MED12L: variants seen among roughly 807,000 people sequenced by gnomAD.
MED12L encodes mediator complex subunit 12L.
In MED12L, 60 loss-of-function variants were observed where a neutral mutation model predicts 281.3. The observed-to-expected ratio is 0.21, with a 90% CI of 0.17 to 0.26. The LOEUF (loss-of-function observed/expected upper bound fraction) is 0.26, where lower values mean the gene tolerates loss of function less well. Ranked by LOEUF, MED12L falls within the 10% of genes least tolerant of loss-of-function variation. The pLI is 1.00. For synonymous variants in MED12L, 974 were observed against 987.2 expected, an observed-to-expected ratio of 0.99 and a Z score of 0.25; for missense variants, 2,146 against 2,680.9, an observed-to-expected ratio of 0.80 and a Z score of 4.41.
chr3:151,133,603 G>GAA (rs59629188), intron 5 of MED12L, among the ~76,000 whole-genome samples: 3 of 140,228 alleles, frequency 2.1e-5, no homozygotes, highest in African/African-American at 7.8e-5. Flanking sequence ...TGTGAGACCT[G>GAA]AAAAAAAAAA....
intron 16 of MED12L, chr3:151,269,621 A>G (rs1261294481): frequency 2.2e-5 from 8 of 362,658 alleles, no homozygotes; most frequent in South Asian, 1.5e-4. Context: ...GAGGAAGACA[A>G]AGAGGCACTG....
At chr3:151,382,799 T>C in intron 33 of MED12L, 54 bp downstream of exon 33, 2 of 1,401,406 alleles carry the variant, frequency 1.4e-6, no homozygotes, top group East Asian at 2.4e-5. Flanking sequence ...CATGTGAAAA[T>C]ACCTCCAGCT....
chr3:151,136,032 G>A (rs1716090799), intron 5 of MED12L, among the ~76,000 whole-genome samples: 1 of 152,180 alleles, frequency 6.6e-6, no homozygotes, highest in Non-Finnish European at 1.5e-5. Context: ...GCACTGCTCT[G>A]TTTACCCCTA....
chr3:151,173,088 T>A (rs1026920268), intron 11 of MED12L, among the ~76,000 whole-genome samples: 3 of 151,922 alleles, frequency 2.0e-5, no homozygotes, highest in East Asian at 1.9e-4. Context: ...TTTTTTTTTT[T>A]AACTTTTTTG....
At chr3:151,202,441 C>T (rs1402721388) in intron 16 of MED12L, among the ~76,000 whole-genome samples, 4 of 152,126 alleles carry the variant, frequency 2.6e-5, no homozygotes, top group Non-Finnish European at 5.9e-5. Context: ...GAGGCTGAGG[C>T]GGGTGGATCA....
intron 16 of MED12L, among the ~76,000 whole-genome samples, chr3:151,330,178 T>C (rs1750190933): frequency 3.3e-5 from 5 of 152,214 alleles, no homozygotes; most frequent in Admixed American, 3.3e-4. Context: ...CACACTGTGT[T>C]ATTAAGAATG....
At chr3:151,344,608 A>G (rs1017647731) in intron 16 of MED12L, among the ~76,000 whole-genome samples, 1 of 152,118 alleles carries the variant, frequency 6.6e-6, no homozygotes, top group Admixed American at 6.6e-5. Flanking sequence ...TTACTTCCGG[A>G]TATATACTGG....
At chr3:151,413,942 C>T (rs1717257249) in intron 42 of MED12L, among the ~76,000 whole-genome samples, 3 of 151,824 alleles carry the variant, frequency 2.0e-5, no homozygotes, top group East Asian at 1.9e-4. Context: ...CTCCACCTCC[C>T]GGGTTCAAGT....
Position 151,416,322 on chromosome 3 carries a change from C to T in MED12L, c.6308C>T (p.Pro2103Leu), listed in dbSNP as rs1717545341. The T allele has an allele frequency of 6.2e-7, 1 of 1,611,404 alleles. No homozygotes were observed. Among genetic ancestry groups the T allele is most frequent in the Non-Finnish European group, 8.5e-7 (1 of 1,178,734 alleles). Residue 2103 changes from proline to leucine, a missense_variant, in exon 43 of 45, where the codon CCC (proline) becomes CTC (leucine). Physicochemically the swap from Pro to Leu is moderately conservative, Grantham distance 98. Around this residue, in one of 9 missense-constraint regions of MED12L, gnomAD observed 496 missense variants for 512.0 expected, o/e 0.97. Coordinates refer to ENST00000687756, the MANE Select transcript of MED12L (RefSeq NM_001393769.1). ...QQQRLLQMQQ[P>L]QQPQPQQPPQ... is the part of the protein sequence containing the mutation. ...TTACCCTCTTTCCAGATGCAGCAGC[C>T]CCAGCAGCCCCAGCCCCAGCAGCCT...
chr3:151,418,243 A>G (rs970156747), intron 43 of MED12L, among the ~76,000 whole-genome samples: 2 of 152,006 alleles, frequency 1.3e-5, no homozygotes, highest in Admixed American at 6.5e-5. Context: ...TTTTTTTTCC[A>G]AAACAAAGAT....
At chr3:151,209,502 G>T (rs187732240) in intron 16 of MED12L, among the ~76,000 whole-genome samples, 189 of 152,216 alleles carry the variant, frequency 1.2e-3, no homozygotes, top group African/African-American at 4.4e-3. Flanking sequence ...CATGCCATTA[G>T]AGTCTTGTGG....
intron 32 of MED12L, 108 bp from the exon 33 acceptor site, chr3:151,382,548 A>G: frequency 5.0e-6 from 3 of 594,638 alleles, no homozygotes; most frequent in South Asian, 6.3e-5. Flanking sequence ...TTTGTTTGTT[A>G]ATTTGTTAAA....
chr3:151,352,723 G>C (rs1753389536), intron 17 of MED12L, among the ~76,000 whole-genome samples: 1 of 152,144 alleles, frequency 6.6e-6, no homozygotes, highest in African/African-American at 2.4e-5. Context: ...ATTTCCAGTT[G>C]AATGATCAAA....
chr3:151,345,144 AT>A (rs2149986392), intron 16 of MED12L, among the ~76,000 whole-genome samples: 1 of 152,352 alleles, frequency 6.6e-6, no homozygotes, highest in East Asian at 1.9e-4. Context: ...AAAGAAAGTA[AT>A]TGATCTAAAG....
chr3:151,238,982 A>G (rs1414529113), intron 16 of MED12L, among the ~76,000 whole-genome samples: 1 of 152,176 alleles, frequency 6.6e-6, no homozygotes, highest in South Asian at 2.1e-4. Context: ...ATGAACTGAG[A>G]GACAATTTTT....
intron 43 of MED12L, among the ~76,000 whole-genome samples, chr3:151,429,683 G>T (rs1197170899): frequency 6.6e-5 from 10 of 152,118 alleles, no homozygotes; most frequent in Admixed American, 5.9e-4. Flanking sequence ...CCTCTCATCT[G>T]ATTCTTCCTA....
At chr3:151,328,348 A>T (rs767264751) in intron 16 of MED12L, 30 of 1,612,994 alleles carry the variant, frequency 1.9e-5, no homozygotes, top group Non-Finnish European at 2.5e-5. Context: ...TATAAGAATC[A>T]TATACTTTTT....
intron 16 of MED12L, among the ~76,000 whole-genome samples, chr3:151,291,798 C>A (rs1440552725): frequency 1.3e-5 from 2 of 152,032 alleles, no homozygotes; most frequent in Non-Finnish European, 2.9e-5. Context: ...ATTTTTCATG[C>A]CACAGCGTGG....
intron 11 of MED12L, among the ~76,000 whole-genome samples, chr3:151,179,476 T>C (rs1037117322): frequency 8.5e-5 from 13 of 152,216 alleles, no homozygotes; most frequent in African/African-American, 2.9e-4. Context: ...GTTTTTCTTA[T>C]GTCCAAAGAA....
Sources: allele counts gnomAD v4.1 joint callset (sites outside exome capture counted in the v4.1 genomes callset), GRCh38; gene constraint gnomAD v4.1.1; regional missense constraint gnomAD v4.1.1; transcripts MANE v1.5; gene names NCBI Gene and HGNC (gene_info 2026-07-23, HGNC 2026-07-21).